Variants in APPL2 observed in about 807,000 individuals in gnomAD.
The protein encoded by APPL2 is adaptor protein, phosphotyrosine interacting with PH domain and leucine zipper 2.
Under a neutral mutation model 92.7 loss-of-function variants are expected in APPL2, and 84 were observed. The ratio of observed to expected loss-of-function variants is 0.91; its 90% CI spans 0.76 to 1.09. APPL2 has a LOEUF of 1.09. Among genes scored for constraint, APPL2 ranks in the 50% least tolerant of loss-of-function variants. The probability of loss-of-function intolerance (pLI) is 0.00; values close to 1 mark genes in which losing one functional copy is unlikely to be tolerated. For synonymous variants in APPL2, 291 were observed against 291.0 expected (o/e 1.00, Z 0.00); for missense variants, 736 against 824.5 (o/e 0.89, Z 1.31).
In APPL2 at chr12:105,208,802, C is replaced by CTA. The variant is rs1888977139; in HGVS notation, c.374-604_374-603insTA. On this transcript the variant is annotated intron_variant, in intron 5 of 20. Coordinates refer to ENST00000258530, the MANE Select transcript of APPL2 (RefSeq NM_018171.5). The stretch of plus-strand genomic sequence containing the variant: ...CTGAACCAAGCCCAAGACCAAAAAT[C>CTA]CAAAAAGATCATTGAGAGCAGTGAC... 3.3e-5 allele frequency among the ~76,000 whole-genome samples: 5 copies of CTA among 152,242 alleles called. No individual in the cohort carries two copies. In the South Asian group the frequency reaches 1.0e-3, roughly 32 times the overall value.
intron 1 of APPL2, among the ~76,000 whole-genome samples, chr12:105,231,024 T>C (rs889599917): frequency 1.2e-4 from 19 of 152,226 alleles, no homozygotes; most frequent in African/African-American, 4.6e-4. Context: ...TCCCAAACAA[T>C]ATTTATCGAT....
chr12:105,221,489 A>G (rs1890100678), intron 2 of APPL2, among the ~76,000 whole-genome samples: 2 of 152,200 alleles, frequency 1.3e-5, no homozygotes, highest in Admixed American at 1.3e-4. Flanking sequence ...TCAAAAGCTC[A>G]TGTTCTGACT....
intron 8 of APPL2, among the ~76,000 whole-genome samples, chr12:105,204,094 A>G (rs893615457): frequency 6.6e-6 from 1 of 152,218 alleles, no homozygotes; most frequent in African/African-American, 2.4e-5. Context: ...GGAGAGGGGA[A>G]GAAGAACATT....
chr12:105,232,667 G>A (rs907350520), intron 1 of APPL2, among the ~76,000 whole-genome samples: 3 of 151,614 alleles, frequency 2.0e-5, no homozygotes, highest in Non-Finnish European at 4.4e-5. Flanking sequence ...AGAAGGCTGA[G>A]GTGGGAGGAT....
intron 14 of APPL2, among the ~76,000 whole-genome samples, chr12:105,192,117 G>T (rs1887256529): frequency 6.6e-6 from 1 of 152,022 alleles, no homozygotes; most frequent in African/African-American, 2.4e-5. Context: ...AACACCATCT[G>T]CCCAGGTGTT....
chr12:105,234,185 T>C (rs1391634795), intron 1 of APPL2, among the ~76,000 whole-genome samples: 2 of 152,240 alleles, frequency 1.3e-5, no homozygotes, highest in African/African-American at 2.4e-5. Flanking sequence ...ATAAGAATGA[T>C]AATATCTCTA....
chr12:105,227,095 T>C (rs1047451366), intron 2 of APPL2, among the ~76,000 whole-genome samples: 1 of 150,858 alleles, frequency 6.6e-6, no homozygotes, highest in African/African-American at 2.4e-5. Flanking sequence ...TACTCCATCC[T>C]GGGTGACAGA....
At chr12:105,233,668 C>T (rs1891069378) in intron 1 of APPL2, among the ~76,000 whole-genome samples, 1 of 152,188 alleles carries the variant, frequency 6.6e-6, no homozygotes, top group African/African-American at 2.4e-5. Context: ...CAGAAAAGCC[C>T]GGTGCTAGAT....
At chr12:105,179,241 G>C (rs1885869058) in intron 17 of APPL2, among the ~76,000 whole-genome samples, 1 of 152,112 alleles carries the variant, frequency 6.6e-6, no homozygotes, top group Admixed American at 6.5e-5. Context: ...GCGGTGTTTG[G>C]TTTTCTGTTC....
intron 1 of APPL2, among the ~76,000 whole-genome samples, chr12:105,232,300 T>C (rs1169762937): frequency 6.6e-6 from 1 of 152,146 alleles, no homozygotes; most frequent in African/African-American, 2.4e-5. Flanking sequence ...CCAAGCACCC[T>C]ATGCACACAG....
chr12:105,174,468 A>G lies in APPL2; in HGVS notation c.1861-20T>C, dbSNP rs147612468. The G allele has an allele frequency of 7.7e-3, 12,341 of 1,605,140 alleles. 73 individuals are homozygous for G. The highest frequency in any genetic ancestry group is 8.2e-3 in the Non-Finnish European group (9,709 of 1,177,036). ...TGGATCCTGAAGTTAGGAGAGTTTA[A>G]AAGGGAAAAAAGAAAAGGCTTAAGA... On this transcript the variant is annotated intron_variant, in intron 20 of 20. Coordinates refer to ENST00000258530, the MANE Select transcript of APPL2 (RefSeq NM_018171.5).
chr12:105,235,557 C>T (rs2136108136), intron 1 of APPL2, among the ~76,000 whole-genome samples: 1 of 152,320 alleles, frequency 6.6e-6, no homozygotes, highest in East Asian at 1.9e-4. Flanking sequence ...TTCTCATTGA[C>T]TTCTCCTAAC....
chr12:105,207,990 T>C lies in APPL2; in HGVS notation c.455A>G (p.Lys152Arg). ...TCTTACCTTCTCATTCTCCTTTTTC[T>C]TAGGCAGCCTGCTGTATTTTGCCAT... The part of the protein sequence containing the change: ...LSMAKYSRLP[K>R]KKENEKVKTE... The change falls in exon 7 of 21, where the codon AAG becomes AGG. Residue 152 changes from lysine (K) to arginine (R), a missense_variant. Coordinates refer to ENST00000258530, the MANE Select transcript of APPL2 (RefSeq NM_018171.5). 6.2e-7 allele frequency: 1 copy of C among 1,614,082 alleles called. No individual in the cohort carries two copies. Among genetic ancestry groups the C allele is most frequent in the Non-Finnish European group, 8.5e-7 (1 of 1,179,910 alleles).
chr12:105,187,739 A>C (rs1886851862), intron 17 of APPL2, among the ~76,000 whole-genome samples: 1 of 152,240 alleles, frequency 6.6e-6, no homozygotes, highest in South Asian at 2.1e-4. Flanking sequence ...TTTAACACTG[A>C]AAACACATCT....
chr12:105,208,265 C>T (rs146451574), intron 5 of APPL2, 66 bp from the exon 6 acceptor site: 120 of 1,571,424 alleles, frequency 7.6e-5, no homozygotes, highest in Non-Finnish European at 8.8e-5. Flanking sequence ...CAGAGCTCTG[C>T]ACTTTCCCCT....
At chr12:105,209,689 G>A (rs1889048727) in intron 5 of APPL2, among the ~76,000 whole-genome samples, 1 of 152,180 alleles carries the variant, frequency 6.6e-6, no homozygotes, top group Non-Finnish European at 1.5e-5. Flanking sequence ...CATTCAGTGA[G>A]GACACAATCA....
At chr12:105,206,003 A>G (rs1888667737) in intron 8 of APPL2, among the ~76,000 whole-genome samples, 1 of 152,198 alleles carries the variant, frequency 6.6e-6, no homozygotes, top group South Asian at 2.1e-4. Context: ...CAGTGAACTC[A>G]CCATTCAACA....
intron 9 of APPL2, among the ~76,000 whole-genome samples, chr12:105,202,330 CT>C (rs1888284229): frequency 1.3e-5 from 2 of 152,086 alleles, no homozygotes; most frequent in Admixed American, 1.3e-4. Context: ...TTGGGTTGGC[CT>C]AATAATGGTT....
intron 4 of APPL2, among the ~76,000 whole-genome samples, chr12:105,214,207 C>T (rs1889458731): frequency 6.6e-6 from 1 of 152,114 alleles, no homozygotes; most frequent in Admixed American, 6.6e-5. Context: ...AAAATAAAAA[C>T]CATACTTCCA....
Sources: gnomAD v4.1 joint callset for allele counts (sites outside exome capture counted in the v4.1 genomes callset) on GRCh38, gnomAD v4.1.1 for gene constraint, MANE v1.5 for transcripts, NCBI Gene and HGNC (gene_info 2026-07-23, HGNC 2026-07-21) for gene names.